TAFA2: variants seen among roughly 807,000 people sequenced by gnomAD.
TAFA2 encodes the protein chemokine-like protein TAFA-2.
Under a neutral mutation model 18.8 loss-of-function variants are expected in TAFA2, and 7 were observed. The observed-to-expected ratio is 0.37, with a 90% CI of 0.21 to 0.70. The LOEUF is 0.70. Ranked by LOEUF, TAFA2 falls within the 30% of genes least tolerant of loss-of-function variation. The pLI, the probability that TAFA2 is intolerant of heterozygous loss-of-function variation, is 0.53. For synonymous variants in TAFA2, 60 were observed against 54.2 expected, an observed-to-expected ratio of 1.11 and a Z score of -0.47; for missense variants, 122 against 158.1, an observed-to-expected ratio of 0.77 and a Z score of 1.23.
intron 1 of TAFA2, among the ~76,000 whole-genome samples, chr12:61,935,021 G>T (rs1019858099): frequency 2.6e-5 from 4 of 152,098 alleles, no homozygotes; most frequent in Non-Finnish European, 4.4e-5. Context: ...GACCAAGCCT[G>T]GCACGAGTAC....
intron 2 of TAFA2, among the ~76,000 whole-genome samples, chr12:61,840,110 T>A (rs1289275852): frequency 1.3e-5 from 2 of 152,040 alleles, no homozygotes; most frequent in African/African-American, 4.8e-5. Flanking sequence ...GAGCAGTAGG[T>A]CCTTGCTGTC....
chr12:61,846,143 A>G (rs1278352297), intron 2 of TAFA2, among the ~76,000 whole-genome samples: 1 of 152,216 alleles, frequency 6.6e-6, no homozygotes, highest in Non-Finnish European at 1.5e-5. Flanking sequence ...GTTGATCTTG[A>G]AAAAATAGGG....
chr12:62,244,237 C>CTTTTTTTTTTTTTTTTTTTTT (rs35569192), intron 1 of TAFA2, among the ~76,000 whole-genome samples: 1 of 134,276 alleles, frequency 7.4e-6, no homozygotes, highest in African/African-American at 2.8e-5. Context: ...TTTCTTTTGT[C>CTTTTTTTTTTTTTTTTTTTTT]TTTTTTTTTT....
intron 2 of TAFA2, among the ~76,000 whole-genome samples, chr12:61,808,662 A>G (rs758415423): frequency 2.0e-5 from 3 of 151,462 alleles, no homozygotes; most frequent in Non-Finnish European, 4.4e-5. Context: ...AAGTTTAGAC[A>G]GAAAAGCTTA....
chr12:61,948,841 C>A (rs959712202), intron 1 of TAFA2, among the ~76,000 whole-genome samples: 6 of 152,142 alleles, frequency 3.9e-5, no homozygotes, highest in African/African-American at 1.4e-4. Context: ...CTCCATTACA[C>A]CCATAGTGTG....
chr12:61,770,428 A>G (rs1402154727), intron 2 of TAFA2, among the ~76,000 whole-genome samples: 1 of 152,136 alleles, frequency 6.6e-6, no homozygotes, highest in Non-Finnish European at 1.5e-5. Context: ...ACCTAGTTAC[A>G]TAGTCATCAG....
At chr12:61,756,366 G>T (rs1326263307) in intron 2 of TAFA2, among the ~76,000 whole-genome samples, 2 of 152,028 alleles carry the variant, frequency 1.3e-5, no homozygotes, top group Non-Finnish European at 2.9e-5. Flanking sequence ...AAAAATAAGA[G>T]GCAGACTTCT....
intron 2 of TAFA2, among the ~76,000 whole-genome samples, chr12:61,840,325 G>T (rs1039777157): frequency 6.6e-6 from 1 of 152,024 alleles, no homozygotes. Context: ...TTTATATCGA[G>T]AGTGTGATAA....
chr12:61,723,491 G>T (rs1001732371), intron 4 of TAFA2, among the ~76,000 whole-genome samples: 9 of 152,066 alleles, frequency 5.9e-5, no homozygotes, highest in African/African-American at 1.7e-4. Context: ...AGCAAGGGGG[G>T]TGATTAGGTG....
intron 1 of TAFA2, among the ~76,000 whole-genome samples, chr12:62,052,519 A>G (rs1882084132): frequency 1.3e-5 from 2 of 152,142 alleles, no homozygotes; most frequent in Non-Finnish European, 2.9e-5. Context: ...TTTGTGCTCT[A>G]AGCAATTAGT....
At chr12:62,179,136 T>C (rs2062535012) in intron 1 of TAFA2, among the ~76,000 whole-genome samples, 1 of 152,200 alleles carries the variant, frequency 6.6e-6, no homozygotes, top group Admixed American at 6.5e-5. Context: ...TTGTTTCTTA[T>C]GGAAATGAAA....
intron 2 of TAFA2, among the ~76,000 whole-genome samples, chr12:61,789,857 C>G (rs1272877841): frequency 2.0e-5 from 3 of 151,694 alleles, no homozygotes. Flanking sequence ...ATTTCCAAAC[C>G]CATTCTGCAA....
chr12:62,164,123 A>G (rs1454881249), intron 1 of TAFA2, among the ~76,000 whole-genome samples: 2 of 152,126 alleles, frequency 1.3e-5, no homozygotes, highest in Non-Finnish European at 2.9e-5. Context: ...AGTACGATTC[A>G]AAGAACATCT....
intron 1 of TAFA2, among the ~76,000 whole-genome samples, chr12:62,108,092 C>G (rs1869544956): frequency 6.6e-6 from 1 of 152,070 alleles, no homozygotes; most frequent in African/African-American, 2.4e-5. Context: ...CACCCCTCAA[C>G]CTGTCATCTA....
chr12:61,892,022 G>C (rs568745517), intron 1 of TAFA2, among the ~76,000 whole-genome samples: 13 of 151,246 alleles, frequency 8.6e-5, no homozygotes, highest in Non-Finnish European at 1.5e-4. Flanking sequence ...CAGAAGTAGG[G>C]GGAACATCTA....
At chr12:62,006,481 C>A (rs1880554529) in intron 1 of TAFA2, among the ~76,000 whole-genome samples, 2 of 151,960 alleles carry the variant, frequency 1.3e-5, no homozygotes. Flanking sequence ...TATATAATAT[C>A]ATATACACTT....
At chr12:61,880,666 G>T in intron 1 of TAFA2, 1 of 355,028 alleles carries the variant, frequency 2.8e-6, no homozygotes, top group Non-Finnish European at 5.5e-6. Flanking sequence ...TCTGTTGCAG[G>T]CTCCAGCTAC....
At chr12:61,940,160 A>C (rs1347219494) in intron 1 of TAFA2, among the ~76,000 whole-genome samples, 1 of 152,222 alleles carries the variant, frequency 6.6e-6, no homozygotes, top group Non-Finnish European at 1.5e-5. Context: ...TAATAAACAG[A>C]CTAAGTCAAA....
At chr12:62,245,461 T>C (rs776427527) in intron 1 of TAFA2, among the ~76,000 whole-genome samples, 4 of 151,818 alleles carry the variant, frequency 2.6e-5, no homozygotes, top group Non-Finnish European at 1.5e-5. Context: ...CACATGGACA[T>C]TGACATATTG....
Sources: gnomAD v4.1 joint callset for allele counts (sites outside exome capture counted in the v4.1 genomes callset) on GRCh38, gnomAD v4.1.1 for gene constraint, MANE v1.5 for transcripts, NCBI Gene and HGNC (gene_info 2026-07-23, HGNC 2026-07-21) for gene names.